NPM1: variants seen among roughly 807,000 people sequenced by gnomAD.
The protein encoded by NPM1 is nucleophosmin 1.
Under a neutral mutation model 44.1 loss-of-function variants are expected in NPM1, and 1 was observed. That is an observed-to-expected ratio of 0.02 (90% CI 0.01 to 0.11). The LOEUF is 0.11. Among genes scored for constraint, NPM1 ranks in the 10% least tolerant of loss-of-function variants. The pLI is 1.00. For synonymous variants in NPM1, 126 were observed against 111.8 expected (o/e 1.13, Z -0.80); for missense variants, 197 against 347.8 (o/e 0.57, Z 3.45).
chr5:171,392,270 CATT>C (rs1397744393), intron 4 of NPM1, among the ~76,000 whole-genome samples: 2 of 152,156 alleles, frequency 1.3e-5, no homozygotes, highest in Non-Finnish European at 2.9e-5. Context: ...AAGACAGTCT[CATT>C]ATAACGGCTG....
intron 9 of NPM1, chr5:171,405,863 T>A (rs1188949432): frequency 1.1e-5 from 2 of 184,800 alleles, no homozygotes; most frequent in Admixed American, 5.9e-5. Context: ...ATTGAGACAT[T>A]TCTCTTTGCC....
rs142128976 is a variant in NPM1, at chr5:171,388,888, A to G, written c.58+882A>G. 1.2e-4 allele frequency among the ~76,000 whole-genome samples: 18 copies of G among 152,332 alleles called. No individual in the cohort carries two copies. The East Asian group carries it at 3.3e-3, about 28-fold the overall frequency. On this transcript the variant is annotated intron_variant, in intron 1 of 10. Transcript: ENST00000296930. The stretch of plus-strand genomic sequence containing the variant: ...AAGGTTGTACTTAGTAAAGGCAATA[A>G]GAGACTAAATCTAAACCAAGACGCT...
chr5:171,389,994 C>A, intron 1 of NPM1, 57 bp from the exon 2 acceptor site: 1 of 1,085,788 alleles, frequency 9.2e-7, no homozygotes, highest in Non-Finnish European at 1.4e-6. Flanking sequence ...GTTACCCACA[C>A]TTAAGTTTCA....
At position 171,387,960 on chromosome 5, in the gene NPM1, G is replaced by A. The variant is rs368150213; in HGVS notation, c.12G>A (p.Ser4=). 4.3e-6 allele frequency: 7 copies of A among 1,611,772 alleles called. No individual in the cohort carries two copies. The African/African-American group carries it at 8.0e-5, about 18-fold the overall frequency. The part of the protein sequence containing the change: MED[S]MDMDMSPLRP... ...CGTGCCGCCACCCGATGGAAGATTC[G>A]ATGGACATGGACATGAGCCCCCTGA... Residue 4 remains serine (S), a synonymous_variant, in exon 1 of 11, where the codon TCG becomes TCA. Coordinates refer to ENST00000296930, the MANE Select transcript of NPM1 (RefSeq NM_002520.7).
At chr5:171,409,139 GAA>G (rs938785221) in intron 10 of NPM1, among the ~76,000 whole-genome samples, 1 of 152,112 alleles carries the variant, frequency 6.6e-6, no homozygotes, top group Non-Finnish European at 1.5e-5. Flanking sequence ...CTCTAGAATT[GAA>G]AGTGTTCTCA....
chr5:171,390,561 A>C (rs1378817347), intron 2 of NPM1, among the ~76,000 whole-genome samples: 1 of 152,250 alleles, frequency 6.6e-6, no homozygotes, highest in Non-Finnish European at 1.5e-5. Flanking sequence ...CCTGAGGACA[A>C]CATTGCACAA....
intron 10 of NPM1, 108 bp from the exon 11 acceptor site, chr5:171,410,419 G>A: frequency 1.6e-6 from 1 of 615,134 alleles, no homozygotes. Flanking sequence ...TAACTCTCTG[G>A]TGGTAGAATG....
At chr5:171,395,564 G>C (rs532496490) in intron 6 of NPM1, among the ~76,000 whole-genome samples, 1 of 152,248 alleles carries the variant, frequency 6.6e-6, no homozygotes, top group South Asian at 2.1e-4. Context: ...ACCATGCACC[G>C]CCGCAAGTTT....
At chr5:171,400,257 GGTGATTTTTTA>G (rs762801880) in intron 7 of NPM1, 47 bp downstream of exon 7, 1 of 1,610,002 alleles carries the variant, frequency 6.2e-7, no homozygotes, top group South Asian at 1.1e-5. Flanking sequence ...CAATAGAAAT[GGTGATTTTTTA>G]GTGCTATTTG....
chr5:171,402,547 CAA>C (rs1771271164), intron 8 of NPM1, among the ~76,000 whole-genome samples: 1 of 139,964 alleles, frequency 7.1e-6, no homozygotes, highest in Non-Finnish European at 1.5e-5. Context: ...TACATGCACA[CAA>C]ATATTCACTG....
Position 171,410,604 on chromosome 5 carries a change from T to A in NPM1, c.*39T>A, listed in dbSNP as rs756780247. On this transcript the variant is annotated 3_prime_UTR_variant, in exon 11 of 11. Transcript: ENST00000296930. ...ACAATTTGTTAAAAAATTTTCCGTC[T>A]TATTTCATTTCTGTAACAGTTGATA... The A allele has an allele frequency of 5.3e-5, 67 of 1,263,626 alleles. No homozygotes were observed. Among genetic ancestry groups the A allele is most frequent in the Non-Finnish European group, 7.4e-5 (66 of 897,690 alleles). 78.3% of individuals were successfully genotyped at this position (1,263,626 alleles called of 1,614,324 possible).
At chr5:171,402,968 A>ATTTTTTTTTT (rs1771299295) in intron 8 of NPM1, among the ~76,000 whole-genome samples, 3 of 47,224 alleles carry the variant, frequency 6.4e-5, no homozygotes, top group Admixed American at 2.1e-4. Flanking sequence ...TTTTTTTTTC[A>ATTTTTTTTTT]TTTTATTTAT....
At chr5:171,395,667 T>A (rs2113202761) in intron 6 of NPM1, among the ~76,000 whole-genome samples, 2 of 152,310 alleles carry the variant, frequency 1.3e-5, no homozygotes, top group East Asian at 3.9e-4. Context: ...AGTGGTGAGA[T>A]GGCAAGGGCC....
intron 10 of NPM1, among the ~76,000 whole-genome samples, chr5:171,408,412 C>T (rs887439276): frequency 1.3e-5 from 2 of 152,080 alleles, no homozygotes; most frequent in Non-Finnish European, 2.9e-5. Context: ...GTGTGGAGAA[C>T]GGATGCTGCA....
At position 171,405,332 on chromosome 5, in the gene NPM1, A is replaced by G. The variant is rs755065911; in HGVS notation, c.700A>G (p.Thr234Ala). 6.3e-7 allele frequency: 1 copy of G among 1,590,640 alleles called. No homozygotes were observed. Among genetic ancestry groups the G allele is most frequent in the Non-Finnish European group, 8.6e-7 (1 of 1,163,314 alleles). ...AGAATCCTTCAAGAAACAGGAAAAA[A>G]CTCCTAAAACACCAAAAGGACCTAG... ...GQESFKKQEK[T>A]PKTPKGPSSV... Residue 234 changes from threonine (T) to alanine (A), a missense_variant, in exon 9 of 11, where the codon ACT (threonine) becomes GCT (alanine). Thr to Ala is a moderately conservative substitution (Grantham distance 58). Transcript: ENST00000296930.
At chr5:171,395,060 G>A (rs1293193798) in intron 6 of NPM1, among the ~76,000 whole-genome samples, 2 of 152,068 alleles carry the variant, frequency 1.3e-5, no homozygotes, top group African/African-American at 4.8e-5. Context: ...CTGCCTATTG[G>A]TCCCAGTTAC....
intron 3 of NPM1, 43 bp from the exon 4 acceptor site, chr5:171,391,663 A>T (rs1194540609): frequency 7.4e-7 from 1 of 1,355,370 alleles, no homozygotes; most frequent in African/African-American, 1.4e-5. Context: ...TTTATTGTTC[A>T]TTTTCTTCAC....
chr5:171,391,560 C>T, intron 3 of NPM1, 136 bp downstream of exon 3: 1 of 1,230,090 alleles, frequency 8.1e-7, no homozygotes, highest in Middle Eastern at 1.9e-4. Flanking sequence ...ATGGTCAACT[C>T]TTGAACATGG....
intron 8 of NPM1, among the ~76,000 whole-genome samples, chr5:171,403,822 G>C (rs1210038409): frequency 1.6e-5 from 1 of 62,498 alleles, no homozygotes; most frequent in Non-Finnish European, 3.3e-5. Context: ...GGGCAGAGGC[G>C]CCCCTCACCT....
Sources: gnomAD v4.1 joint callset for allele counts (sites outside exome capture counted in the v4.1 genomes callset) on GRCh38, gnomAD v4.1.1 for gene constraint, MANE v1.5 for transcripts, NCBI Gene and HGNC (gene_info 2026-07-23, HGNC 2026-07-21) for gene names.